The following ZNF536 variants were observed in gnomAD, a reference collection of about 807,000 sequenced individuals.
ZNF536 encodes the protein zinc finger protein 536.
In ZNF536, 13 loss-of-function variants were observed where a neutral mutation model predicts 84.5. The observed-to-expected ratio is 0.15, with a 90% confidence interval of 0.10 to 0.24. The LOEUF is 0.24. ZNF536 is among the 10% of genes least tolerant of loss of function. The pLI, the probability that ZNF536 is intolerant of heterozygous loss-of-function variation, is 1.00. For missense variants in ZNF536, 1,536 were observed against 1,747.5 expected, an observed-to-expected ratio of 0.88 and a Z score of 2.16; for synonymous variants, 811 against 742.5, an observed-to-expected ratio of 1.09 and a Z score of -1.50.
At chr19:30,297,378 T>A (rs570153982) in intron 2 of ZNF536, among the ~76,000 whole-genome samples, 2 of 152,368 alleles carry the variant, frequency 1.3e-5, no homozygotes, top group East Asian at 3.9e-4. Context: ...TAAGTGCTTT[T>A]TTTAATGGCC....
intron 1 of ZNF536, among the ~76,000 whole-genome samples, chr19:30,685,226 G>A (rs1003671236): frequency 1.3e-5 from 2 of 152,214 alleles, no homozygotes; most frequent in African/African-American, 4.8e-5. Context: ...CTCTGAGGGT[G>A]CGACTGCACC....
At chr19:30,323,299 C>G (rs892516842) in intron 2 of ZNF536, among the ~76,000 whole-genome samples, 2 of 152,184 alleles carry the variant, frequency 1.3e-5, no homozygotes, top group African/African-American at 4.8e-5. Context: ...TCCTTTCTTA[C>G]TTTCCTGTAT....
chr19:30,634,279 T>C (rs1228834697), intron 1 of ZNF536, among the ~76,000 whole-genome samples: 3 of 152,184 alleles, frequency 2.0e-5, no homozygotes, highest in Non-Finnish European at 4.4e-5. Context: ...CATTGACAAA[T>C]GCTGTCATAA....
intron 2 of ZNF536, among the ~76,000 whole-genome samples, chr19:30,348,253 C>T (rs1299490911): frequency 1.3e-5 from 2 of 152,162 alleles, no homozygotes; most frequent in African/African-American, 4.8e-5. Flanking sequence ...TGAATTAAAG[C>T]TTCTGGAGGA....
intron 2 of ZNF536, among the ~76,000 whole-genome samples, chr19:30,335,481 C>T (rs2047353200): frequency 6.6e-6 from 1 of 152,274 alleles, no homozygotes; most frequent in African/African-American, 2.4e-5. Context: ...GGCACGCCCA[C>T]CCCTCTTCCC....
At chr19:30,305,284 C>G (rs1193914324) in intron 2 of ZNF536, among the ~76,000 whole-genome samples, 2 of 152,076 alleles carry the variant, frequency 1.3e-5, no homozygotes, top group African/African-American at 4.8e-5. Context: ...CAAGAGAGAC[C>G]GTGGGAAGGG....
At chr19:30,537,436 G>A (rs1032423783) in intron 3 of ZNF536, among the ~76,000 whole-genome samples, 5 of 152,124 alleles carry the variant, frequency 3.3e-5, no homozygotes, top group Admixed American at 2.0e-4. Flanking sequence ...ATTTCATGTC[G>A]ACACAGAACC....
chr19:30,439,513 A>G (rs1238611626), intron 1 of ZNF536, among the ~76,000 whole-genome samples: 2 of 152,172 alleles, frequency 1.3e-5, no homozygotes, highest in African/African-American at 4.8e-5. Flanking sequence ...CAATTACCCC[A>G]TACTCTTTCC....
chr19:30,230,151 T>C (rs975849472), intron 1 of ZNF536, among the ~76,000 whole-genome samples: 7 of 152,238 alleles, frequency 4.6e-5, no homozygotes, highest in African/African-American at 7.2e-5. Flanking sequence ...GGATTTAGTG[T>C]TGATTTTTAA....
At position 30,341,349 on chromosome 19, in the gene ZNF536, G is replaced by T. The variant is rs142703592; in HGVS notation, c.-119-11019G>T. ...GAGTCTCAATAAATATGTCCAGTTC[G>T]GTGGAAAGTACAAACTCAGTTAAAA... On this transcript the variant is annotated intron_variant, in intron 2 of 5. Coordinates refer to the ZNF536 transcript ENST00000585628. Among the ~76,000 whole-genome samples, 1,013 of 152,274 alleles carry T rather than the reference G, an allele frequency of 6.7e-3. 15 individuals are homozygous for T. Among genetic ancestry groups the T allele is most frequent in the African/African-American group, 0.023 (976 of 41,544 alleles).
chr19:30,268,888 T>C (rs1337855931), intron 1 of ZNF536, among the ~76,000 whole-genome samples: 1 of 152,220 alleles, frequency 6.6e-6, no homozygotes, highest in African/African-American at 2.4e-5. Context: ...TCCCCTTTTC[T>C]TGCTTTTAGG....
rs1039544694 is a variant in ZNF536 at position 30,666,862 on chromosome 19, G to A, written c.170-43895G>A. On this transcript the variant is annotated intron_variant, in intron 1 of 1. Coordinates refer to the ZNF536 transcript ENST00000592773. ...TATATATATATATGTATGTATGTATGTATGCATATTTTAAAAGACTTATTC... is the reference window on the plus strand; with the variant it reads ...TATATATATATATGTATGTATGTATATATGCATATTTTAAAAGACTTATTC... Among the ~76,000 whole-genome samples the A allele has an allele frequency of 2.6e-5, 4 of 151,298 alleles. No homozygotes were observed. In the South Asian group the frequency reaches 6.3e-4, roughly 24 times the overall value.
chr19:30,705,366 A>T (rs1315887574), intron 1 of ZNF536, among the ~76,000 whole-genome samples: 1 of 151,862 alleles, frequency 6.6e-6, no homozygotes, highest in African/African-American at 2.4e-5. Flanking sequence ...TATAGAATAA[A>T]ACGCATTGTA....
At chr19:30,325,849 G>A (rs1028297994) in intron 2 of ZNF536, among the ~76,000 whole-genome samples, 7 of 152,274 alleles carry the variant, frequency 4.6e-5, no homozygotes, top group Middle Eastern at 3.4e-3. Flanking sequence ...TGGGCTGCCC[G>A]GCTGTGCCAC....
At chr19:30,285,156 C>T (rs529344276) in intron 2 of ZNF536, among the ~76,000 whole-genome samples, 5 of 152,332 alleles carry the variant, frequency 3.3e-5, no homozygotes, top group African/African-American at 1.2e-4. Flanking sequence ...CTTAGTAAAA[C>T]ATGTACCAAC....
At chr19:30,539,016 T>TG (rs1284517487) in intron 3 of ZNF536, among the ~76,000 whole-genome samples, 1 of 150,398 alleles carries the variant, frequency 6.6e-6, no homozygotes, top group Non-Finnish European at 1.5e-5. Context: ...AAGACCAGCC[T>TG]GGGCCACATA....
intron 2 of ZNF536, among the ~76,000 whole-genome samples, chr19:30,302,610 T>G (rs2046220720): frequency 6.6e-6 from 1 of 152,120 alleles, no homozygotes; most frequent in African/African-American, 2.4e-5. Context: ...AAGTGTCCTC[T>G]TTGGGAGTCT....
chr19:30,541,882 T>G (rs796331533), intron 3 of ZNF536, among the ~76,000 whole-genome samples: 5 of 152,348 alleles, frequency 3.3e-5, no homozygotes, highest in African/African-American at 1.2e-4. Context: ...GTGTGAAAAG[T>G]CTTCAGGTTT....
intron 1 of ZNF536, among the ~76,000 whole-genome samples, chr19:30,572,473 C>A (rs1380165997): frequency 6.6e-6 from 1 of 152,204 alleles, no homozygotes; most frequent in East Asian, 1.9e-4. Flanking sequence ...CACTCCCTAA[C>A]CTCACCTGCC....
Sources: gnomAD v4.1 joint callset for allele counts (sites outside exome capture counted in the v4.1 genomes callset) on GRCh38, gnomAD v4.1.1 for gene constraint, MANE v1.5 for transcripts, NCBI Gene and HGNC (gene_info 2026-07-23, HGNC 2026-07-21) for gene names.